GBE1: variants seen among roughly 807,000 people sequenced by gnomAD.
The protein encoded by GBE1 is 1,4-alpha-glucan-branching enzyme.
In GBE1, 70 loss-of-function variants were observed where a neutral mutation model predicts 88.8. The ratio of observed to expected loss-of-function variants is 0.79; its 90% CI spans 0.65 to 0.96. The LOEUF is 0.96. Among genes scored for constraint, GBE1 ranks in the 40% least tolerant of loss-of-function variants. GBE1 has a pLI of 0.00. For missense variants in GBE1, 872 were observed against 871.0 expected (o/e 1.00, Z -0.01); for synonymous variants, 284 against 300.1 (o/e 0.95, Z 0.56).
intron 12 of GBE1, among the ~76,000 whole-genome samples, chr3:81,577,186 C>T (rs1437851676): frequency 2.0e-5 from 3 of 151,970 alleles, no homozygotes; most frequent in South Asian, 2.1e-4. Flanking sequence ...AAGCCATCCT[C>T]CTCCCTCAGC....
intron 14 of GBE1, among the ~76,000 whole-genome samples, chr3:81,510,671 A>G (rs1442269255): frequency 6.6e-6 from 1 of 152,052 alleles, no homozygotes; most frequent in Non-Finnish European, 1.5e-5. Flanking sequence ...CAAAATCTCA[A>G]TCACCACTAA....
chr3:81,655,405 G>A (rs1027144158), intron 3 of GBE1, among the ~76,000 whole-genome samples: 12 of 152,206 alleles, frequency 7.9e-5, no homozygotes, highest in African/African-American at 2.6e-4. Context: ...AAAGAAAAAA[G>A]TAATCAAAAA....
At chr3:81,737,707 G>A (rs1362504768) in intron 1 of GBE1, among the ~76,000 whole-genome samples, 1 of 150,514 alleles carries the variant, frequency 6.6e-6, no homozygotes. Context: ...TGAATTTTAT[G>A]TATCAGTCTC....
At chr3:81,554,761 G>T (rs188589136) in intron 12 of GBE1, among the ~76,000 whole-genome samples, 2 of 152,308 alleles carry the variant, frequency 1.3e-5, no homozygotes, top group Non-Finnish European at 2.9e-5. Flanking sequence ...CTGGTGGAGT[G>T]TTTTTGTAAG....
In GBE1 at chr3:81,674,191, A is replaced by G. The variant is rs191792725; in HGVS notation, c.314-3238T>C. ...TCCTTTATTAGTGTTTCTTCTTTCC[A>G]TTAAAAACATGGGCACCAACCAGAA... On this transcript the variant is annotated intron_variant, in intron 2 of 15. Coordinates refer to ENST00000429644, the MANE Select transcript of GBE1 (RefSeq NM_000158.4). Among the ~76,000 whole-genome samples the G allele has an allele frequency of 2.0e-5, 3 of 151,874 alleles. No individual in the cohort carries two copies. The East Asian group carries it at 5.8e-4, about 29-fold the overall frequency.
chr3:81,502,612 T>C (rs1366026417), intron 14 of GBE1, among the ~76,000 whole-genome samples: 1 of 152,188 alleles, frequency 6.6e-6, no homozygotes, highest in Non-Finnish European at 1.5e-5. Context: ...ATTATTCAAG[T>C]ATCAGGAAAC....
chr3:81,720,585 T>C (rs1238072512), intron 1 of GBE1, among the ~76,000 whole-genome samples: 2 of 152,102 alleles, frequency 1.3e-5, no homozygotes, highest in Non-Finnish European at 2.9e-5. Flanking sequence ...TATTTAAATG[T>C]TACTGAGCAA....
intron 3 of GBE1, among the ~76,000 whole-genome samples, chr3:81,650,907 C>T (rs1385927379): frequency 6.6e-6 from 1 of 152,122 alleles, no homozygotes; most frequent in East Asian, 1.9e-4. Flanking sequence ...AGCTCCTGGG[C>T]TCAAGTGATC....
rs181783586 is a variant in GBE1, at chr3:81,571,958, C to T, written c.1618+5967G>A. Among the ~76,000 whole-genome samples the T allele has an allele frequency of 2.0e-5, 3 of 152,236 alleles. No individual in the cohort carries two copies. The East Asian group carries it at 5.8e-4, about 29-fold the overall frequency. The stretch of plus-strand genomic sequence containing the variant: ...TTACTTGAGAATTGACATGGTTAGG[C>T]TTTGTGTCCCCACCCAAATCTCATC... On this transcript the variant is annotated intron_variant, in intron 12 of 15. Transcript: ENST00000429644.
intron 15 of GBE1, among the ~76,000 whole-genome samples, chr3:81,498,372 A>T (rs1702543666): frequency 6.6e-6 from 1 of 152,146 alleles, no homozygotes; most frequent in South Asian, 2.1e-4. Context: ...AAAGTCATGT[A>T]TTTGTTAGGT....
intron 7 of GBE1, among the ~76,000 whole-genome samples, chr3:81,615,606 T>C (rs1297910879): frequency 2.0e-5 from 3 of 152,272 alleles, no homozygotes; most frequent in Admixed American, 6.5e-5. Flanking sequence ...GTTGTGTGTA[T>C]TAACAGATTA....
At chr3:81,612,877 CA>C in intron 7 of GBE1, 1 of 402,314 alleles carries the variant, frequency 2.5e-6, no homozygotes, top group Non-Finnish European at 4.8e-6. Context: ...AATATTTGGC[CA>C]AAACCATTAC....
rs781086301 is a variant in GBE1 at position 81,761,506 on chromosome 3, C to T, written c.12G>A (p.Pro4=). The T allele has an allele frequency of 6.9e-6, 11 of 1,600,624 alleles. No individual in the cohort carries two copies. Among genetic ancestry groups the T allele is most frequent in the Admixed American group, 1.7e-5 (1 of 57,978 alleles). The change falls in exon 1 of 16, where the codon CCG becomes CCA. Residue 4 remains proline (P), a synonymous_variant. Transcript: ENST00000429644. ...CCTCGGGCCGAGCCGCGGGAGTCATCGGAGCCGCCATATTCCGCCGCAGTC... is the reference window on the plus strand; with the variant it reads ...CCTCGGGCCGAGCCGCGGGAGTCATTGGAGCCGCCATATTCCGCCGCAGTC... MAA[P]MTPAARPEDY... is the part of the protein sequence containing the mutation.
intron 1 of GBE1, among the ~76,000 whole-genome samples, chr3:81,741,465 TG>T (rs1445334343): frequency 6.6e-6 from 1 of 152,128 alleles, no homozygotes; most frequent in Non-Finnish European, 1.5e-5. Flanking sequence ...TCAACACAGA[TG>T]GAAGTCGAGA....
At chr3:81,563,219 C>T (rs1034436179) in intron 12 of GBE1, among the ~76,000 whole-genome samples, 2 of 152,112 alleles carry the variant, frequency 1.3e-5, no homozygotes, top group African/African-American at 4.8e-5. Context: ...TGTAGGTTTT[C>T]TGGTAACCTC....
chr3:81,642,392 T>C (rs1704696318), intron 7 of GBE1, among the ~76,000 whole-genome samples: 1 of 152,072 alleles, frequency 6.6e-6, no homozygotes. Context: ...AATTTTAAGA[T>C]ATGAAGCAAT....
At position 81,499,200 on chromosome 3, in the gene GBE1, T is replaced by C. The variant is rs1234423250; in HGVS notation, c.1962A>G (p.Ala654=). ...GKFKIVLDSD[A]AEYGGHQRLD... ...GTCTCTGATGCCCTCCATATTCCGC[T>C]GCATCTGAATCTAGCACAATTTTGA... is the stretch of plus-strand genomic sequence containing the variant. The change falls in exon 15 of 16, where the codon GCA becomes GCG. Residue 654 remains alanine (A), a synonymous_variant. Transcript: ENST00000429644. 2.5e-6 allele frequency: 4 copies of C among 1,610,364 alleles called. No individual in the cohort carries two copies. Among genetic ancestry groups the C allele is most frequent in the Non-Finnish European group, 2.5e-6 (3 of 1,177,688 alleles).
chr3:81,606,589 C>CT (rs1320475726), intron 7 of GBE1, among the ~76,000 whole-genome samples: 6 of 152,158 alleles, frequency 3.9e-5, no homozygotes, highest in Non-Finnish European at 7.3e-5. Flanking sequence ...CTATAGTGCC[C>CT]TTTTTTCTGT....
intron 9 of GBE1, among the ~76,000 whole-genome samples, chr3:81,589,475 C>A: frequency 6.8e-6 from 1 of 147,682 alleles, no homozygotes. Flanking sequence ...AAGTAGTTTT[C>A]AATTTAAGTG....
Sources: gnomAD v4.1 joint callset for allele counts (sites outside exome capture counted in the v4.1 genomes callset) on GRCh38, gnomAD v4.1.1 for gene constraint, MANE v1.5 for transcripts, NCBI Gene and HGNC (gene_info 2026-07-23, HGNC 2026-07-21) for gene names.